The following HPN variants were observed in gnomAD, a reference collection of about 807,000 sequenced individuals.
HPN encodes the protein serine protease hepsin.
A neutral mutation model predicts 55.9 loss-of-function variants in HPN; 13 were observed. The ratio of observed to expected loss-of-function variants is 0.23; its 90% CI spans 0.15 to 0.37. The LOEUF (loss-of-function observed/expected upper bound fraction) is 0.37, where lower values mean the gene tolerates loss of function less well. Among genes scored for constraint, HPN ranks in the 10% least tolerant of loss-of-function variants. The pLI is 1.00. For missense variants in HPN, 451 were observed against 575.8 expected, an observed-to-expected ratio of 0.78 and a Z score of 2.22; for synonymous variants, 225 against 240.3, an observed-to-expected ratio of 0.94 and a Z score of 0.59.
In HPN at chr19:35,060,810, C is replaced by T. The variant is rs2064522558; in HGVS notation, c.804C>T (p.Pro268=). The T allele has an allele frequency of 6.3e-7, 1 of 1,579,764 alleles. No individual in the cohort carries two copies. Residue 268 remains proline (P), a synonymous_variant, in exon 9 of 13, where the codon CCC becomes CCT. Coordinates refer to ENST00000672452, the MANE Select transcript of HPN (RefSeq NM_001384133.1). The part of the protein sequence containing the change: ...IALVHLSSPL[P]LTEYIQPVCL... ...TGGTCCACCTCTCCAGTCCCCTGCC[C>T]CTCACAGGTAAGTCTAAGGGCTGAG...
intron 4 of HPN, chr19:35,059,091 T>G: frequency 5.9e-6 from 1 of 170,076 alleles, no homozygotes; most frequent in Non-Finnish European, 1.3e-5. Context: ...TAATGGAGAG[T>G]GAAGTTCCCC....
intron 4 of HPN, chr19:35,059,217 T>C (rs1044577391): frequency 2.8e-5 from 9 of 320,326 alleles, no homozygotes; most frequent in African/African-American, 1.8e-4. Flanking sequence ...ATCCCAGCAT[T>C]TTAGGAGGCA....
intron 2 of HPN, among the ~76,000 whole-genome samples, chr19:35,044,621 C>T (rs1398001445): frequency 6.6e-6 from 1 of 152,160 alleles, no homozygotes; most frequent in Admixed American, 6.5e-5. Flanking sequence ...TTTGGAAGCT[C>T]TCTCTGGTAC....
intron 4 of HPN, chr19:35,050,650 G>A: frequency 1.6e-6 from 1 of 614,904 alleles, no homozygotes; most frequent in South Asian, 1.9e-5. Context: ...ATGCAGGACA[G>A]CAGGAAAAAA....
intron 4 of HPN, among the ~76,000 whole-genome samples, chr19:35,054,630 G>T (rs2064437306): frequency 6.6e-6 from 1 of 152,286 alleles, no homozygotes; most frequent in East Asian, 1.9e-4. Context: ...CTTGGGGTTT[G>T]AAGTCACTCA....
rs1270679577 is a variant in HPN at position 35,042,436 on chromosome 19, C to T, written c.-54-17C>T. On this transcript the variant is annotated splice_polypyrimidine_tract_variant and intron_variant, in intron 1 of 12. Transcript: ENST00000672452. ...TGGGCTCCCCCAGGCCCTGCCTCCCCGTCCATCTCCTCACAGGTCCCACCC... is the reference window on the plus strand; with the variant it reads ...TGGGCTCCCCCAGGCCCTGCCTCCCTGTCCATCTCCTCACAGGTCCCACCC... 11 of 1,557,308 alleles carry T rather than the reference C, an allele frequency of 7.1e-6. No homozygotes were observed. The highest frequency in any genetic ancestry group is 4.8e-5 in the South Asian group (4 of 83,586).
chr19:35,066,102 GATTTGTTTTAGGAA>G, intron 12 of HPN, 70 bp downstream of exon 12: 1 of 1,611,628 alleles, frequency 6.2e-7, no homozygotes, highest in Non-Finnish European at 8.5e-7. Context: ...GGGAGGCAGA[GATTTGTTTTAGGAA>G]ACCTACGCTC....
intron 4 of HPN, chr19:35,059,379 G>A: frequency 1.9e-6 from 1 of 530,180 alleles, no homozygotes; most frequent in Non-Finnish European, 3.5e-6. Flanking sequence ...CTACTCAGGA[G>A]GTTGAGGTAG....
intron 4 of HPN, among the ~76,000 whole-genome samples, chr19:35,051,222 C>T (rs1196543745): frequency 1.3e-5 from 2 of 152,158 alleles, no homozygotes; most frequent in Non-Finnish European, 2.9e-5. Flanking sequence ...GATTCTCCTG[C>T]CTCAGCCTCC....
Position 35,059,991 on chromosome 19 carries a change from C to T in HPN, c.408C>T (p.Ser136=), listed in dbSNP as rs1339240218. 3.2e-6 allele frequency: 5 copies of T among 1,582,066 alleles called. No individual in the cohort carries two copies. Among genetic ancestry groups the T allele is most frequent in the East Asian group, 2.2e-5 (1 of 44,644 alleles). ...PHTQRLLEVI[S]VCDCPRGRFL... ...CCCAGAGGCTGCTGGAGGTCATCTC[C>T]GTGTGGTGAGGAGGGCAGCGGGCAG... The change falls in exon 6 of 13, where the codon TCC becomes TCT. Residue 136 remains serine, a synonymous_variant. Transcript: ENST00000672452.
chr19:35,065,979 G>A lies in HPN; in HGVS notation c.1162G>A (p.Gly388Ser). ...TGGCTGTGCCCTGGCCCAGAAGCCA[G>A]GCGTCTACACCAAAGTCAGTGACTT... ...GTGCALAQKP[G>S]VYTKVSDFRE... is the part of the protein sequence containing the mutation. Residue 388 changes from glycine to serine, a missense_variant, in exon 12 of 13, where the codon GGC becomes AGC. By Grantham distance (56) the Gly-to-Ser change is moderately conservative (BLOSUM62 0). Around this residue, in one of 2 missense-constraint regions of HPN, gnomAD observed 73 missense variants for 130.3 expected, o/e 0.56. Coordinates refer to ENST00000672452, the MANE Select transcript of HPN (RefSeq NM_001384133.1). The A allele has an allele frequency of 6.2e-7, 1 of 1,613,354 alleles. No individual in the cohort carries two copies. Among genetic ancestry groups the A allele is most frequent in the Non-Finnish European group, 8.5e-7 (1 of 1,180,046 alleles).
intron 2 of HPN, 50 bp downstream of exon 2, chr19:35,042,572 C>G (rs1399654358): frequency 2.7e-6 from 4 of 1,506,182 alleles, no homozygotes; most frequent in African/African-American, 2.7e-5. Flanking sequence ...GGCGCCCCGC[C>G]CTCTGTGCTC....
chr19:35,042,612 C>T (rs2064305435), intron 2 of HPN, 90 bp downstream of exon 2: 1 of 1,128,852 alleles, frequency 8.9e-7, no homozygotes, highest in African/African-American at 1.6e-5. Flanking sequence ...TTCGGAGCCC[C>T]CTCTCTCTGG....
intron 4 of HPN, among the ~76,000 whole-genome samples, chr19:35,056,858 G>T (rs1012895624): frequency 6.6e-6 from 1 of 152,140 alleles, no homozygotes; most frequent in South Asian, 2.1e-4. Flanking sequence ...CATATCCAAG[G>T]CTCTGACAAG....
intron 4 of HPN, among the ~76,000 whole-genome samples, chr19:35,052,709 A>T (rs1225861572): frequency 6.6e-6 from 1 of 152,164 alleles, no homozygotes; most frequent in East Asian, 1.9e-4. Flanking sequence ...CCACCCCGGT[A>T]AAACCCTCCT....
At chr19:35,065,755 A>G (rs1672991) in intron 11 of HPN, 74 bp downstream of exon 11, 1,464,526 of 1,601,102 alleles carry the variant, frequency 0.91, 672,848 homozygotes, top group Admixed American at 0.95. Flanking sequence ...GTGGGTGGTC[A>G]GGCTCCCCAT....
intron 6 of HPN, 54 bp downstream of exon 6, chr19:35,060,050 C>T (rs1191050786): frequency 6.2e-7 from 1 of 1,613,482 alleles, no homozygotes; most frequent in Non-Finnish European, 8.5e-7. Context: ...AAGGCACTCC[C>T]TCTCCCCGTT....
At chr19:35,065,462 G>T (rs1359047331) in intron 10 of HPN, 77 bp from the exon 11 acceptor site, 9 of 1,576,506 alleles carry the variant, frequency 5.7e-6, no homozygotes, top group Non-Finnish European at 7.8e-6. Flanking sequence ...ACGCTGAGGG[G>T]AATGGGGTGG....
intron 4 of HPN, among the ~76,000 whole-genome samples, chr19:35,051,826 T>A (rs1361016408): frequency 1.3e-5 from 2 of 151,840 alleles, no homozygotes; most frequent in African/African-American, 4.8e-5. Flanking sequence ...GGAAATTGAG[T>A]CCCAGTGAAG....
Sources: gnomAD v4.1 joint callset for allele counts (sites outside exome capture counted in the v4.1 genomes callset) on GRCh38, gnomAD v4.1.1 for gene constraint, gnomAD v4.1.1 regional missense constraint, MANE v1.5 for transcripts, NCBI Gene and HGNC (gene_info 2026-07-23, HGNC 2026-07-21) for gene names.